Variants in SLC5A10 observed in about 807,000 individuals in gnomAD.
The protein encoded by SLC5A10 is solute carrier family 5 member 10, also known as sodium/mannose cotransporter SLC5A10.
In SLC5A10, 55 loss-of-function variants were observed where a neutral mutation model predicts 68.9. The ratio of observed to expected loss-of-function variants is 0.80; its 90% CI spans 0.64 to 1.00. The LOEUF (loss-of-function observed/expected upper bound fraction) is 1.00. Ranked by LOEUF, SLC5A10 falls within the 50% of genes least tolerant of loss-of-function variation. SLC5A10 has a pLI of 0.00. For missense variants in SLC5A10, 732 were observed against 819.3 expected (o/e 0.89, Z 1.30); for synonymous variants, 344 against 344.8 (o/e 1.00, Z 0.02).
Position 19,017,470 on chromosome 17 carries a change from G to A in SLC5A10, c.1242-1953G>A. On this transcript the variant is annotated intron_variant, in intron 11 of 14. Coordinates refer to ENST00000395645, the MANE Select transcript of SLC5A10 (RefSeq NM_001042450.4). The surrounding 1 kb of genome is among the most constrained non-coding windows in gnomAD (Gnocchi z 5.6). Reference sequence around the variant, plus strand: ...CAGAGAGAAGACCAACAGCCCAGAGGCCTGGAGAGGAGGCCATCGCAGGGC... The same window carrying A: ...CAGAGAGAAGACCAACAGCCCAGAGACCTGGAGAGGAGGCCATCGCAGGGC... 2 of 1,384,294 alleles carry A rather than the reference G, an allele frequency of 1.4e-6. No individual in the cohort carries two copies. Among genetic ancestry groups the A allele is most frequent in the Non-Finnish European group, 1.0e-6 (1 of 996,780 alleles). 85.8% of individuals were successfully genotyped at this position (1,384,294 alleles called of 1,614,324 possible).
chr17:18,974,584 C>T (rs985341788), intron 8 of SLC5A10, among the ~76,000 whole-genome samples: 3 of 152,198 alleles, frequency 2.0e-5, no homozygotes, highest in Non-Finnish European at 4.4e-5. Context: ...GTAGCAGCCA[C>T]CTCAGTCATA....
chr17:19,014,424 C>A (rs986209730), intron 10 of SLC5A10, among the ~76,000 whole-genome samples: 2 of 152,180 alleles, frequency 1.3e-5, no homozygotes, highest in African/African-American at 2.4e-5. Flanking sequence ...AACCACAGAG[C>A]CAAGGAGAGA....
At chr17:18,997,198 G>A (rs914196141) in intron 9 of SLC5A10, among the ~76,000 whole-genome samples, 2 of 152,250 alleles carry the variant, frequency 1.3e-5, no homozygotes, top group African/African-American at 4.8e-5. Flanking sequence ...CTGACCAGGA[G>A]GCTCAGCCTA....
chr17:19,009,429 C>T (rs2043968036), intron 9 of SLC5A10, among the ~76,000 whole-genome samples: 1 of 152,150 alleles, frequency 6.6e-6, no homozygotes, highest in Admixed American at 6.5e-5. Flanking sequence ...CTATATTGGT[C>T]AGGTTGGTCT....
At position 19,019,764 on chromosome 17, in the gene SLC5A10, G is replaced by A; in HGVS notation, c.1462G>A (p.Val488Ile). The change falls in exon 13 of 15, where the codon GTC (valine) becomes ATC (isoleucine). Residue 488 changes from valine to isoleucine, a missense_variant. By Grantham distance (29) the Val-to-Ile change is conservative. Transcript: ENST00000395645. The part of the protein sequence containing the change: ...AGLVVGATRL[V>I]LEFLNPAPPC... ...GCTGGTGGTGGGGGCCACGAGGCTG[G>A]TCCTGGAATTCCTGAACCCAGCCCC... 1 of 1,612,872 alleles carries A rather than the reference G, an allele frequency of 6.2e-7. No individual in the cohort carries two copies. The highest frequency in any genetic ancestry group is 8.5e-7 in the Non-Finnish European group (1 of 1,179,800).
In SLC5A10 at chr17:19,022,194, C is replaced by T. The variant is rs774379930; in HGVS notation, c.*1763C>T. 5.3e-5 allele frequency: 58 copies of T among 1,094,496 alleles called. No individual in the cohort carries two copies. Among genetic ancestry groups the T allele is most frequent in the Non-Finnish European group, 7.3e-5 (58 of 799,044 alleles). The allele number at this position is 1,094,496 out of a possible 1,614,324, so 67.8% of individuals were successfully genotyped here. A position where few individuals can be genotyped will look rare whatever the true frequency, so the allele number is the denominator to read the frequency against. ...AGGGTGCCTTCAGAAGCCCTGCAAC[C>T]CACCCTCCCTCAGAGGCACCCAAGA... On this transcript the variant is annotated 3_prime_UTR_variant, in exon 15 of 15. Coordinates refer to ENST00000395645, the MANE Select transcript of SLC5A10 (RefSeq NM_001042450.4).
intron 9 of SLC5A10, chr17:18,979,338 T>A (rs1323564744): frequency 1.6e-6 from 1 of 642,192 alleles, no homozygotes; most frequent in Non-Finnish European, 2.6e-6. Flanking sequence ...GCCGGTGACA[T>A]CTCCAAGCTG....
At chr17:18,979,651 C>T in intron 9 of SLC5A10, 2 of 1,613,490 alleles carry the variant, frequency 1.2e-6, no homozygotes, top group Non-Finnish European at 1.7e-6. Flanking sequence ...CTCAGTTCCC[C>T]CGCTGCTCCG....
intron 5 of SLC5A10, among the ~76,000 whole-genome samples, chr17:18,963,315 A>C (rs1166363869): frequency 6.6e-6 from 1 of 152,226 alleles, no homozygotes; most frequent in East Asian, 1.9e-4. Context: ...GTTAGAACCC[A>C]GGTCTGTGCC....
intron 11 of SLC5A10, among the ~76,000 whole-genome samples, chr17:19,016,819 G>A (rs1597916047): frequency 6.6e-6 from 1 of 152,128 alleles, no homozygotes; most frequent in South Asian, 2.1e-4. Context: ...GCCCCTCTCT[G>A]ACCATGTGTC....
chr17:18,988,456 G>C (rs200759844), intron 9 of SLC5A10: 1 of 1,602,050 alleles, frequency 6.2e-7, no homozygotes, highest in South Asian at 1.1e-5. Flanking sequence ...AGACAGTGCA[G>C]CAGTGGGGAC....
intron 1 of SLC5A10, among the ~76,000 whole-genome samples, chr17:18,954,614 C>A (rs554169622): frequency 6.6e-6 from 1 of 152,326 alleles, no homozygotes; most frequent in African/African-American, 2.4e-5. Context: ...TGCAGCCCTG[C>A]AAAGATGTTT....
Position 19,003,833 on chromosome 17 carries a change from G to A in SLC5A10, c.983-9577G>A, listed in dbSNP as rs779837903. ...AGAGCCCGGGTCGTACACCTCGATG[G>A]TCTCCAGGATGCGCTTGAGCTCCAG... On this transcript the variant is annotated intron_variant, in intron 9 of 14. Coordinates refer to ENST00000395645, the MANE Select transcript of SLC5A10 (RefSeq NM_001042450.4). The surrounding 1 kb of genome is among the most constrained non-coding windows in gnomAD (Gnocchi z 4.5). 16 of 1,612,856 alleles carry A rather than the reference G, an allele frequency of 9.9e-6. 1 individual carries two copies. The South Asian group carries it at 1.5e-4, about 15-fold the overall frequency.
At chr17:18,957,696 C>T (rs111327204) in intron 1 of SLC5A10, among the ~76,000 whole-genome samples, 3,230 of 152,292 alleles carry the variant, frequency 0.021, 72 homozygotes, top group Middle Eastern at 0.16. Flanking sequence ...GTTCTCTTGA[C>T]CTCGTGATCC....
intron 1 of SLC5A10, among the ~76,000 whole-genome samples, chr17:18,955,217 C>A (rs1038250358): frequency 6.6e-5 from 10 of 152,186 alleles, no homozygotes; most frequent in Admixed American, 1.3e-4. Flanking sequence ...CACTTTGGTT[C>A]TCTCAGCCTC....
intron 9 of SLC5A10, among the ~76,000 whole-genome samples, chr17:18,984,275 G>C (rs2043210655): frequency 6.7e-6 from 1 of 149,172 alleles, no homozygotes; most frequent in African/African-American, 2.5e-5. Context: ...CCGGGAGGCA[G>C]AGCTTGCAGT....
chr17:18,978,505 T>C (rs745566884), intron 9 of SLC5A10: 9 of 1,612,806 alleles, frequency 5.6e-6, no homozygotes, highest in South Asian at 2.2e-5. Flanking sequence ...GCTCGGGGAG[T>C]TCCCCTGGAT....
At position 18,977,564 on chromosome 17, in the gene SLC5A10, G is replaced by A. The variant is rs1050345347; in HGVS notation, c.982+575G>A. On this transcript the variant is annotated intron_variant, in intron 9 of 14. Coordinates refer to ENST00000395645, the MANE Select transcript of SLC5A10 (RefSeq NM_001042450.4). Reference sequence around the variant, plus strand: ...CAGGGAGGGACTCGTGACCCCTGGTGTGCAGGGACCCTGACCCACCTGTGC... The same window carrying A: ...CAGGGAGGGACTCGTGACCCCTGGTATGCAGGGACCCTGACCCACCTGTGC... 3.1e-6 allele frequency: 5 copies of A among 1,600,850 alleles called. No homozygotes were observed. The African/African-American group carries it at 4.0e-5, about 13-fold the overall frequency.
rs2043829048 is a variant in SLC5A10, at chr17:19,004,609, G to A, written c.983-8801G>A. The stretch of plus-strand genomic sequence containing the variant: ...CCAGGAGGCCTGCCCGGAGGAGGCT[G>A]GGGCTCTGGGAGGGGTCCAGGAGAC... On this transcript the variant is annotated intron_variant, in intron 9 of 14. Transcript: ENST00000395645. This position sits in a 1 kb window ranked among gnomAD's most constrained non-coding sequence, Gnocchi z 5.4. 1 of 152,018 alleles carries A rather than the reference G, an allele frequency of 6.6e-6. No homozygotes were observed. Among genetic ancestry groups the A allele is most frequent in the African/African-American group, 2.4e-5 (1 of 41,420 alleles). 9.4% of individuals were successfully genotyped at this position (152,018 alleles called of 1,614,324 possible). A position where few individuals can be genotyped will look rare whatever the true frequency, so the allele number is the denominator to read the frequency against.
Sources: gnomAD v4.1 joint callset for allele counts (sites outside exome capture counted in the v4.1 genomes callset) on GRCh38, gnomAD v4.1.1 for gene constraint, Gnocchi (gnomAD v3.1) non-coding constraint, MANE v1.5 for transcripts, NCBI Gene and HGNC (gene_info 2026-07-23, HGNC 2026-07-21) for gene names.